The following DOCK3 variants were observed in gnomAD, a reference collection of about 807,000 sequenced individuals.
DOCK3 encodes the protein dedicator of cytokinesis 3.
In DOCK3, 60 loss-of-function variants were observed where a neutral mutation model predicts 265.6. The ratio of observed to expected loss-of-function variants is 0.23; its 90% CI spans 0.18 to 0.28. The LOEUF (loss-of-function observed/expected upper bound fraction) is 0.28. Ranked by LOEUF, DOCK3 falls within the 10% of genes least tolerant of loss-of-function variation. The pLI is 1.00. For synonymous variants in DOCK3, 881 were observed against 938.0 expected (o/e 0.94, Z 1.11); for missense variants, 1,981 against 2,594.3 (o/e 0.76, Z 5.14).
intron 1 of DOCK3, among the ~76,000 whole-genome samples, chr3:50,749,659 G>T (rs1167947765): frequency 6.6e-6 from 1 of 152,016 alleles, no homozygotes; most frequent in Non-Finnish European, 1.5e-5. Flanking sequence ...CCATCATAGA[G>T]ACTCCTTATC....
intron 3 of DOCK3, among the ~76,000 whole-genome samples, chr3:50,843,075 T>C (rs2045918015): frequency 6.6e-6 from 1 of 152,232 alleles, no homozygotes; most frequent in African/African-American, 2.4e-5. Context: ...AAAACATTAT[T>C]GAGACAGGAA....
chr3:51,049,793 C>CCACACA (rs34449511), intron 5 of DOCK3, among the ~76,000 whole-genome samples: 7 of 147,316 alleles, frequency 4.8e-5, no homozygotes, highest in Non-Finnish European at 9.0e-5. Flanking sequence ...CCTAATGGGT[C>CCACACA]CACACACACA....
intron 1 of DOCK3, chr3:50,685,924 T>G (rs1232431539): frequency 6.6e-6 from 1 of 152,512 alleles, no homozygotes; most frequent in South Asian, 2.1e-4. Context: ...GTTCTTTATA[T>G]TTTTTGGATA....
chr3:50,702,807 C>G (rs2036140292), intron 1 of DOCK3, among the ~76,000 whole-genome samples: 1 of 151,462 alleles, frequency 6.6e-6, no homozygotes, highest in Non-Finnish European at 1.5e-5. Flanking sequence ...GACAGTTTGA[C>G]TTCCTTTTTC....
intron 1 of DOCK3, among the ~76,000 whole-genome samples, chr3:50,741,242 G>A (rs1251643693): frequency 1.4e-5 from 2 of 148,038 alleles, no homozygotes; most frequent in Non-Finnish European, 3.0e-5. Flanking sequence ...GAACATTGAT[G>A]TACAAGTATC....
chr3:51,016,957 ATAT>A lies in DOCK3; in HGVS notation c.316-47487_316-47485del, dbSNP rs2079367876. 1.4e-4 allele frequency among the ~76,000 whole-genome samples: 3 copies of A among 21,828 alleles called. 1 individual carries two copies. Among genetic ancestry groups the A allele is most frequent in the African/African-American group, 6.9e-4 (2 of 2,916 alleles). The allele number at this position is 21,828 out of a possible 152,430, so 14.3% of individuals were successfully genotyped here. ...ACAATATATGTTATATATAATATAT[ATAT>A]TATATATATATAAATAAATGGTAAA... On this transcript the variant is annotated intron_variant, in intron 5 of 52. Coordinates refer to ENST00000266037, the MANE Select transcript of DOCK3 (RefSeq NM_004947.5).
At chr3:50,875,104 G>C (rs1255034586) in intron 3 of DOCK3, among the ~76,000 whole-genome samples, 3 of 152,092 alleles carry the variant, frequency 2.0e-5, no homozygotes, top group Admixed American at 6.6e-5. Flanking sequence ...AGCATGCGGG[G>C]CTTCAAACCT....
chr3:50,880,297 A>G (rs1233428729), intron 3 of DOCK3, among the ~76,000 whole-genome samples: 1 of 151,996 alleles, frequency 6.6e-6, no homozygotes, highest in Non-Finnish European at 1.5e-5. Context: ...TGAAGGAGAT[A>G]GAGACACAAA....
chr3:50,743,051 GA>G (rs1172001661), intron 1 of DOCK3, among the ~76,000 whole-genome samples: 1 of 152,062 alleles, frequency 6.6e-6, no homozygotes, highest in Non-Finnish European at 1.5e-5. Flanking sequence ...CATTCTTAAA[GA>G]AAAGAATTTT....
In DOCK3 at chr3:51,225,657, C is replaced by T. The variant is rs1253633877; in HGVS notation, c.1261C>T (p.Arg421Cys). The stretch of plus-strand genomic sequence containing the variant: ...CATTTCTTTCCCCGCAGGTGATATC[C>T]GCAATGACCTGTACCTAACCCTGGA... ...FPDVIMPGDI[R>C]NDLYLTLEKG... Residue 421 changes from arginine to cysteine, a missense_variant, in exon 15 of 53, where the codon CGC becomes TGC. Physicochemically the swap from Arg to Cys is radical, Grantham distance 180 (BLOSUM62 -3). This residue lies in a region of DOCK3 where 456 missense variants were observed against 539.0 expected (regional missense o/e 0.85). Coordinates refer to ENST00000266037, the MANE Select transcript of DOCK3 (RefSeq NM_004947.5). 5.0e-6 allele frequency: 8 copies of T among 1,610,320 alleles called. No individual in the cohort carries two copies. The highest frequency in any genetic ancestry group is 6.8e-6 in the Non-Finnish European group (8 of 1,178,484).
chr3:51,341,090 G>A, intron 37 of DOCK3, 147 bp from the exon 38 acceptor site: 1 of 983,132 alleles, frequency 1.0e-6, no homozygotes, highest in Non-Finnish European at 1.4e-6. Flanking sequence ...CAGCCCTACT[G>A]TTTCATCTTT....
At chr3:51,207,763 A>G (rs1299631266) in intron 12 of DOCK3, among the ~76,000 whole-genome samples, 1 of 152,206 alleles carries the variant, frequency 6.6e-6, no homozygotes, top group Non-Finnish European at 1.5e-5. Context: ...AACTGGACAC[A>G]TCTGAGTAAT....
intron 13 of DOCK3, among the ~76,000 whole-genome samples, chr3:51,209,927 G>A (rs1020435061): frequency 2.6e-5 from 4 of 152,176 alleles, no homozygotes; most frequent in African/African-American, 9.7e-5. Context: ...ACATGTGCCT[G>A]GATGCCAAGT....
intron 1 of DOCK3, among the ~76,000 whole-genome samples, chr3:50,679,922 C>T (rs1246250799): frequency 6.6e-6 from 1 of 152,180 alleles, no homozygotes; most frequent in East Asian, 1.9e-4. Flanking sequence ...TACACTATAT[C>T]ACCACCTCTC....
At chr3:51,263,701 G>T (rs1171837930) in intron 23 of DOCK3, among the ~76,000 whole-genome samples, 2 of 152,128 alleles carry the variant, frequency 1.3e-5, no homozygotes, top group African/African-American at 4.8e-5. Flanking sequence ...ACACACATAG[G>T]CTCAAAATAC....
intron 9 of DOCK3, among the ~76,000 whole-genome samples, chr3:51,123,009 A>G (rs2106777307): frequency 6.6e-6 from 1 of 152,234 alleles, no homozygotes; most frequent in East Asian, 1.9e-4. Flanking sequence ...TAAAAGACCC[A>G]CTCTGATAAC....
chr3:51,121,304 G>A lies in DOCK3; in HGVS notation c.747-25245G>A, dbSNP rs138743880. On this transcript the variant is annotated intron_variant, in intron 9 of 52. Coordinates refer to ENST00000266037, the MANE Select transcript of DOCK3 (RefSeq NM_004947.5). ...GCGATGCCCCACTCTGCTTCTGCTC[G>A]CCCTCCATGGGCTACACCCACTGTG... 8.9e-3 allele frequency among the ~76,000 whole-genome samples: 1,354 copies of A among 152,236 alleles called. 26 individuals are homozygous for A. The highest frequency in any genetic ancestry group is 0.029 in the African/African-American group (1,208 of 41,544).
At position 51,241,815 on chromosome 3, in the gene DOCK3, G is replaced by T. The variant is rs142397626; in HGVS notation, c.2102+4225G>T. ...TCTATACTAACTATTTTGTCTGTCA[G>T]CTCCTGCATTGTTTTATCATGATTT... On this transcript the variant is annotated intron_variant, in intron 21 of 52. Transcript: ENST00000266037. Among the ~76,000 whole-genome samples the T allele has an allele frequency of 2.7e-4, 41 of 152,268 alleles. 1 individual carries two copies. Among genetic ancestry groups the T allele is most frequent in the Admixed American group, 2.6e-4 (4 of 15,290 alleles).
intron 5 of DOCK3, among the ~76,000 whole-genome samples, chr3:50,946,243 G>C (rs6446239): frequency 0.85 from 129,905 of 152,062 alleles, 57,074 homozygotes; most frequent in Non-Finnish European, 0.97. Flanking sequence ...GGGCTTTGAC[G>C]TGCTTTAGCC....
Sources: gnomAD v4.1 joint callset for allele counts (sites outside exome capture counted in the v4.1 genomes callset) on GRCh38, gnomAD v4.1.1 for gene constraint, gnomAD v4.1.1 regional missense constraint, MANE v1.5 for transcripts, NCBI Gene and HGNC (gene_info 2026-07-23, HGNC 2026-07-21) for gene names.